SORCS3: variants seen among roughly 807,000 people sequenced by gnomAD.
SORCS3 encodes the protein VPS10 domain-containing receptor SorCS3.
Under a neutral mutation model 146.3 loss-of-function variants are expected in SORCS3, and 57 were observed. That is an observed-to-expected ratio of 0.39 (90% confidence interval 0.31 to 0.49). The LOEUF is 0.49. SORCS3 is among the 20% of genes least tolerant of loss of function. The pLI, the probability that SORCS3 is intolerant of heterozygous loss-of-function variation, is 0.92. For missense variants in SORCS3, 1,341 were observed against 1,575.5 expected (o/e 0.85, Z 2.52); for synonymous variants, 653 against 618.5 (o/e 1.06, Z -0.83).
intron 5 of SORCS3, among the ~76,000 whole-genome samples, chr10:105,055,583 C>A (rs1196502824): frequency 6.6e-6 from 1 of 151,992 alleles, no homozygotes; most frequent in East Asian, 1.9e-4. Context: ...CAAATACCAG[C>A]TATAAAATTA....
chr10:104,911,558 T>G (rs1349502509), intron 2 of SORCS3, among the ~76,000 whole-genome samples: 3 of 152,190 alleles, frequency 2.0e-5, no homozygotes, highest in Non-Finnish European at 4.4e-5. Context: ...CCCTGAGAAT[T>G]TAGCTCTTCT....
intron 20 of SORCS3, among the ~76,000 whole-genome samples, chr10:105,236,957 C>A (rs1237677181): frequency 6.6e-6 from 1 of 152,122 alleles, no homozygotes; most frequent in Non-Finnish European, 1.5e-5. Context: ...TATCTACTAC[C>A]TACCTCATAT....
intron 1 of SORCS3, among the ~76,000 whole-genome samples, chr10:104,653,037 TA>T (rs2015582516): frequency 6.6e-6 from 1 of 152,246 alleles, no homozygotes; most frequent in African/African-American, 2.4e-5. Context: ...ATGAAATTAT[TA>T]AAAAATTCTG....
At chr10:104,815,435 C>A (rs959415485) in intron 1 of SORCS3, among the ~76,000 whole-genome samples, 1 of 132,886 alleles carries the variant, frequency 7.5e-6, no homozygotes, top group Non-Finnish European at 1.6e-5. Flanking sequence ...GGTGACAGAG[C>A]CAGACCCTGT....
intron 1 of SORCS3, among the ~76,000 whole-genome samples, chr10:104,836,105 T>C (rs552119417): frequency 1.6e-4 from 25 of 152,268 alleles, no homozygotes; most frequent in Admixed American, 4.6e-4. Flanking sequence ...CTGGATCCAA[T>C]TGGGCAAGTG....
chr10:105,041,412 T>A (rs1525392), intron 4 of SORCS3, among the ~76,000 whole-genome samples: 29,744 of 142,998 alleles, frequency 0.21, 2,981 homozygotes, highest in South Asian at 0.26. Context: ...TTAAAAAAAA[T>A]ATATATATAT....
chr10:104,875,439 G>A (rs1262289467), intron 2 of SORCS3, among the ~76,000 whole-genome samples: 1 of 152,144 alleles, frequency 6.6e-6, no homozygotes, highest in Non-Finnish European at 1.5e-5. Flanking sequence ...TGCACAATGA[G>A]GCACAATGAT....
Position 104,897,350 on chromosome 10 carries a change from C to T in SORCS3, c.696-18483C>T, listed in dbSNP as rs531252694. On this transcript the variant is annotated intron_variant, in intron 2 of 26. Transcript: ENST00000369701. Reference sequence around the variant, plus strand: ...GTCTTTTCCAACAATGATCTCAAACCCAAAGGAACGAATATTTAAAGACAG... The same window carrying T: ...GTCTTTTCCAACAATGATCTCAAACTCAAAGGAACGAATATTTAAAGACAG... 4.6e-5 allele frequency among the ~76,000 whole-genome samples: 7 copies of T among 152,204 alleles called. No individual in the cohort carries two copies. In the East Asian group the frequency reaches 7.7e-4, roughly 17 times the overall value.
intron 1 of SORCS3, among the ~76,000 whole-genome samples, chr10:104,766,399 T>C (rs2017180283): frequency 6.6e-6 from 1 of 152,182 alleles, no homozygotes; most frequent in African/African-American, 2.4e-5. Context: ...ATGGAGCAAA[T>C]AGTGGCATCT....
intron 1 of SORCS3, among the ~76,000 whole-genome samples, chr10:104,780,545 G>T (rs1036403721): frequency 1.3e-5 from 2 of 152,304 alleles, no homozygotes; most frequent in Middle Eastern, 3.4e-3. Flanking sequence ...TTTGTTAGAT[G>T]AACAGGTCAG....
chr10:104,670,596 AT>A (rs2015839295), intron 1 of SORCS3, among the ~76,000 whole-genome samples: 1 of 152,072 alleles, frequency 6.6e-6, no homozygotes, highest in Non-Finnish European at 1.5e-5. Context: ...TTGTAGTAAG[AT>A]TTTATTCAGG....
intron 4 of SORCS3, among the ~76,000 whole-genome samples, chr10:105,016,155 A>ATATATATATATATATATATTTT (rs71482443): frequency 2.0e-5 from 2 of 101,318 alleles, no homozygotes; most frequent in African/African-American, 4.8e-5. Context: ...ATATATATAT[A>ATATATATATATATATATATTTT]TTTTTTTTTT....
At chr10:105,217,381 C>T (rs970766182) in intron 19 of SORCS3, among the ~76,000 whole-genome samples, 9 of 152,264 alleles carry the variant, frequency 5.9e-5, no homozygotes, top group African/African-American at 1.9e-4. Context: ...TAAATGTGTG[C>T]GTGCACACAC....
intron 2 of SORCS3, among the ~76,000 whole-genome samples, chr10:104,858,271 G>A (rs900607300): frequency 6.6e-5 from 10 of 152,014 alleles, no homozygotes; most frequent in Non-Finnish European, 1.0e-4. Flanking sequence ...ATACATATAC[G>A]TATTTTTACC....
chr10:104,876,088 A>T (rs1432720643), intron 2 of SORCS3, among the ~76,000 whole-genome samples: 1 of 152,178 alleles, frequency 6.6e-6, no homozygotes, highest in African/African-American at 2.4e-5. Flanking sequence ...TCTCACCTTG[A>T]CATGGTTATT....
At chr10:105,118,458 T>C (rs912938887) in intron 7 of SORCS3, among the ~76,000 whole-genome samples, 2 of 152,172 alleles carry the variant, frequency 1.3e-5, no homozygotes, top group Admixed American at 1.3e-4. Flanking sequence ...CAGACTAATA[T>C]AGTAAATTGG....
At chr10:104,928,072 T>C (rs551275808) in intron 3 of SORCS3, among the ~76,000 whole-genome samples, 34 of 151,540 alleles carry the variant, frequency 2.2e-4, no homozygotes, top group South Asian at 1.7e-3. Context: ...GTAATGAGAG[T>C]ATAGAGGTTT....
chr10:105,102,083 C>T (rs769871242), intron 6 of SORCS3, among the ~76,000 whole-genome samples: 2 of 152,144 alleles, frequency 1.3e-5, no homozygotes, highest in African/African-American at 2.4e-5. Context: ...AAGGAAGGGG[C>T]ATACAGGCTG....
chr10:105,237,013 C>A (rs559202078), intron 20 of SORCS3, among the ~76,000 whole-genome samples: 10 of 152,164 alleles, frequency 6.6e-5, no homozygotes, highest in Admixed American at 1.3e-4. Flanking sequence ...TACATACTGG[C>A]ATTATAATTT....
Sources: gnomAD v4.1 joint callset for allele counts (sites outside exome capture counted in the v4.1 genomes callset) on GRCh38, gnomAD v4.1.1 for gene constraint, MANE v1.5 for transcripts, NCBI Gene and HGNC (gene_info 2026-07-23, HGNC 2026-07-21) for gene names.